The following NELL2 variants were observed in gnomAD, a reference collection of about 807,000 sequenced individuals.
NELL2 encodes the protein neural EGFL like 2.
NELL2 carries 41 observed loss-of-function variants against 109.6 expected under a neutral mutation model. The ratio of observed to expected loss-of-function variants is 0.37; its 90% CI spans 0.29 to 0.49. The LOEUF (loss-of-function observed/expected upper bound fraction) is 0.49, where lower values mean the gene tolerates loss of function less well. NELL2 is among the 20% of genes least tolerant of loss of function. The pLI is 0.98. For synonymous variants in NELL2, 355 were observed against 344.7 expected (o/e 1.03, Z -0.33); for missense variants, 900 against 1,008.3 (o/e 0.89, Z 1.45).
chr12:44,511,466 C>A (rs960459027), intron 19 of NELL2, among the ~76,000 whole-genome samples: 33 of 152,296 alleles, frequency 2.2e-4, no homozygotes, highest in Admixed American at 1.4e-3. Context: ...ACTCCCCAGT[C>A]TGTGCAGCTT....
intron 9 of NELL2, among the ~76,000 whole-genome samples, chr12:44,766,551 TAAAC>T (rs1252165822): frequency 1.3e-5 from 2 of 152,356 alleles, no homozygotes; most frequent in East Asian, 3.9e-4. Flanking sequence ...AGCTCATTTT[TAAAC>T]AATTACTTAA....
At chr12:44,737,703 GTC>G (rs1939723812) in intron 9 of NELL2, among the ~76,000 whole-genome samples, 1 of 151,732 alleles carries the variant, frequency 6.6e-6, no homozygotes, top group African/African-American at 2.4e-5. Context: ...CTTTCTATTG[GTC>G]ATTATACGTG....
chr12:44,897,532 T>C (rs2710417), intron 1 of NELL2, among the ~76,000 whole-genome samples: 152,164 of 152,168 alleles, frequency 1, 76,080 homozygotes, highest in Middle Eastern at 1. Flanking sequence ...GAACTCCCTC[T>C]CCTAGTCAAG....
chr12:44,761,314 G>A (rs925866145), intron 9 of NELL2, among the ~76,000 whole-genome samples: 1 of 152,190 alleles, frequency 6.6e-6, no homozygotes, highest in Non-Finnish European at 1.5e-5. Context: ...GTTGCGGTGA[G>A]CCAAGATTGC....
intron 15 of NELL2, among the ~76,000 whole-genome samples, chr12:44,595,482 A>C (rs954408706): frequency 6.6e-6 from 1 of 152,196 alleles, no homozygotes; most frequent in Non-Finnish European, 1.5e-5. Context: ...GCTGGAGTGC[A>C]GTGGTGCGAA....
In NELL2 at chr12:44,548,348, G is replaced by A. The variant is rs908992816; in HGVS notation, c.1664-15627C>T. ...TGACTAGTATAAAACAAGAAGGATC[G>A]CCTGGCCAACATAGTGAAAACCAGT... On this transcript the variant is annotated intron_variant, in intron 15 of 19. Transcript: ENST00000429094. 4.6e-5 allele frequency among the ~76,000 whole-genome samples: 7 copies of A among 151,828 alleles called. No individual in the cohort carries two copies. The East Asian group carries it at 5.8e-4, about 13-fold the overall frequency.
intron 15 of NELL2, among the ~76,000 whole-genome samples, chr12:44,602,110 G>A (rs1465911252): frequency 6.6e-6 from 1 of 152,084 alleles, no homozygotes; most frequent in Non-Finnish European, 1.5e-5. Flanking sequence ...TGTTTTATTT[G>A]TTCATTTTAT....
At chr12:44,615,087 T>C (rs1385784045) in intron 13 of NELL2, among the ~76,000 whole-genome samples, 1 of 152,084 alleles carries the variant, frequency 6.6e-6, no homozygotes, top group Non-Finnish European at 1.5e-5. Context: ...CACAAAGCTT[T>C]AGTAAATGGA....
chr12:44,774,781 C>A lies in NELL2; in HGVS notation c.960G>T (p.Ala320=), dbSNP rs140632179. 1.4e-5 allele frequency: 23 copies of A among 1,613,912 alleles called. No individual in the cohort carries two copies. Among genetic ancestry groups the A allele is most frequent in the Non-Finnish European group, 1.7e-5 (20 of 1,179,960 alleles). Residue 320 remains alanine (A), a synonymous_variant, in exon 9 of 20, where the codon GCG becomes GCT. Coordinates refer to ENST00000429094, the MANE Select transcript of NELL2 (RefSeq NM_001145108.2). ...NPDCPLKSAL[A]YVDGKCCKEC... Reference sequence around the variant, plus strand: ...CCTTACAGCATTTGCCATCCACATACGCAAGAGCCGACTTAAGTGGGCAGT... The same window carrying A: ...CCTTACAGCATTTGCCATCCACATAAGCAAGAGCCGACTTAAGTGGGCAGT...
intron 10 of NELL2, 128 bp from the exon 11 acceptor site, chr12:44,711,522 GT>G: frequency 1.6e-6 from 1 of 640,086 alleles, no homozygotes; most frequent in Non-Finnish European, 2.7e-6. Context: ...CTCTGCACAG[GT>G]CATGGGCTCA....
chr12:44,524,899 G>A (rs1231589785), intron 16 of NELL2, among the ~76,000 whole-genome samples: 1 of 152,024 alleles, frequency 6.6e-6, no homozygotes, highest in Non-Finnish European at 1.5e-5. Context: ...TCAGATTAGA[G>A]AAAATTTTTC....
At chr12:44,512,712 A>G (rs1941054527) in intron 19 of NELL2, among the ~76,000 whole-genome samples, 1 of 152,140 alleles carries the variant, frequency 6.6e-6, no homozygotes, top group Non-Finnish European at 1.5e-5. Context: ...GAAATAAGCC[A>G]GGTGCAGAAA....
At chr12:44,879,893 G>A (rs1188576886), upstream of NELL2, among the ~76,000 whole-genome samples, 33 of 151,352 alleles carry the variant, frequency 2.2e-4, no homozygotes, top group South Asian at 1.5e-3. Flanking sequence ...TACAAGGTCC[G>A]AGATCACACT....
intron 16 of NELL2, among the ~76,000 whole-genome samples, chr12:44,531,428 T>G (rs1249426531): frequency 1.3e-5 from 2 of 152,218 alleles, no homozygotes; most frequent in Non-Finnish European, 2.9e-5. Context: ...AAATGTTCAC[T>G]CTGGAACATT....
intron 13 of NELL2, among the ~76,000 whole-genome samples, chr12:44,640,209 C>G (rs921518153): frequency 6.6e-6 from 1 of 152,124 alleles, no homozygotes; most frequent in African/African-American, 2.4e-5. Context: ...ATCATCATTA[C>G]AATTTAAATT....
chr12:44,723,191 A>AG lies in NELL2; in HGVS notation c.995-8451_995-8450insC, dbSNP rs928026417. Among the ~76,000 whole-genome samples, 20 of 126,124 alleles carry AG rather than the reference A, an allele frequency of 1.6e-4. 1 individual carries two copies. Among genetic ancestry groups the AG allele is most frequent in the African/African-American group, 8.8e-4 (20 of 22,600 alleles). The allele number at this position is 126,124 out of a possible 152,430, so 82.7% of individuals were successfully genotyped here. ...GGGCGACAGAGCAAGACTCCGTCTCAAAAAAAAAAAAACTCAATGCCCTAT... is the reference window on the plus strand; with the variant it reads ...GGGCGACAGAGCAAGACTCCGTCTCAGAAAAAAAAAAAACTCAATGCCCTAT... On this transcript the variant is annotated intron_variant, in intron 9 of 19. Transcript: ENST00000429094.
intron 15 of NELL2, among the ~76,000 whole-genome samples, chr12:44,564,383 C>T (rs753227529): frequency 3.9e-5 from 6 of 152,070 alleles, no homozygotes; most frequent in Non-Finnish European, 5.9e-5. Flanking sequence ...AAAGGGAAAG[C>T]GAAACGGTAT....
At chr12:44,691,846 G>A (rs1398592819) in intron 12 of NELL2, among the ~76,000 whole-genome samples, 2 of 152,148 alleles carry the variant, frequency 1.3e-5, no homozygotes, top group African/African-American at 4.8e-5. Flanking sequence ...TGAGAGAGGT[G>A]ATGAAGCTGC....
At chr12:44,622,361 A>G (rs1946091400) in intron 13 of NELL2, among the ~76,000 whole-genome samples, 1 of 152,144 alleles carries the variant, frequency 6.6e-6, no homozygotes, top group South Asian at 2.1e-4. Context: ...CCATCCATTG[A>G]CATTTATTTC....
Sources: allele counts gnomAD v4.1 joint callset (sites outside exome capture counted in the v4.1 genomes callset), GRCh38; gene constraint gnomAD v4.1.1; transcripts MANE v1.5; gene names NCBI Gene and HGNC (gene_info 2026-07-23, HGNC 2026-07-21).